BRMS1L: variants seen among roughly 807,000 people sequenced by gnomAD.
BRMS1L encodes breast cancer metastasis-suppressor 1-like protein.
In BRMS1L, 23 loss-of-function variants were observed where a neutral mutation model predicts 50.3. That is an observed-to-expected ratio of 0.46 (90% CI 0.33 to 0.65). The LOEUF (loss-of-function observed/expected upper bound fraction) is 0.65, where lower values mean the gene tolerates loss of function less well. BRMS1L is among the 30% of genes least tolerant of loss of function. BRMS1L has a pLI of 0.02. For synonymous variants in BRMS1L, 114 were observed against 126.9 expected, an observed-to-expected ratio of 0.90 and a Z score of 0.69; for missense variants, 286 against 386.1, an observed-to-expected ratio of 0.74 and a Z score of 2.17.
chr14:35,869,878 AAAG>A (rs2078466807), intron 9 of BRMS1L, among the ~76,000 whole-genome samples: 1 of 152,094 alleles, frequency 6.6e-6, no homozygotes, highest in Admixed American at 6.6e-5. Context: ...ATAATTAAAA[AAAG>A]AATAAAATAC....
At chr14:35,856,876 A>G (rs1437424525) in intron 4 of BRMS1L, among the ~76,000 whole-genome samples, 1 of 152,004 alleles carries the variant, frequency 6.6e-6, no homozygotes, top group Admixed American at 6.6e-5. Context: ...AGCCTGGCCT[A>G]TTTTTTAAAA....
chr14:35,826,758 G>T, intron 1 of BRMS1L, 100 bp downstream of exon 1: 1 of 1,501,832 alleles, frequency 6.7e-7, no homozygotes, highest in South Asian at 1.3e-5. Flanking sequence ...AAAGCGGGGC[G>T]GGGACAGAGG....
At chr14:35,830,592 G>A (rs1426581525) in intron 1 of BRMS1L, among the ~76,000 whole-genome samples, 3 of 147,324 alleles carry the variant, frequency 2.0e-5, no homozygotes, top group East Asian at 2.1e-4. Flanking sequence ...GCTTGAGCTC[G>A]AGCAATCCTC....
At chr14:35,830,419 G>A (rs2142035938) in intron 1 of BRMS1L, among the ~76,000 whole-genome samples, 1 of 151,778 alleles carries the variant, frequency 6.6e-6, no homozygotes, top group Middle Eastern at 3.4e-3. Flanking sequence ...CCAGGCTGGC[G>A]CAATCTTGGC....
At chr14:35,835,085 C>T (rs1337035965) in intron 4 of BRMS1L, among the ~76,000 whole-genome samples, 162 bp downstream of exon 4, 1 of 151,300 alleles carries the variant, frequency 6.6e-6, no homozygotes, top group African/African-American at 2.4e-5. Flanking sequence ...GCATTGGAAG[C>T]TGTATTGGAG....
At chr14:35,831,650 A>G in intron 2 of BRMS1L, 150 bp downstream of exon 2, 1 of 629,872 alleles carries the variant, frequency 1.6e-6, no homozygotes. Context: ...TTTGTCTACT[A>G]AAGACCTCAT....
In BRMS1L at chr14:35,826,549, G is replaced by T; in HGVS notation, c.33G>T (p.Glu11Asp). MPVHSRGDKK[E>D]TNHHDEMEVD... ...TCCATTCCCGAGGGGATAAGAAGGA[G>T]ACCAACCATCACGATGAGATGGAGG... The change falls in exon 1 of 10, where the codon GAG becomes GAT. Residue 11 changes from glutamate to aspartate, a missense_variant. Glu to Asp is a conservative substitution (Grantham distance 45, BLOSUM62 2). Transcript: ENST00000216807. The T allele has an allele frequency of 6.2e-7, 1 of 1,601,994 alleles. No homozygotes were observed. The highest frequency in any genetic ancestry group is 8.5e-7 in the Non-Finnish European group (1 of 1,175,194).
chr14:35,852,910 G>A (rs551751665), intron 4 of BRMS1L, among the ~76,000 whole-genome samples: 109 of 151,466 alleles, frequency 7.2e-4, no homozygotes, highest in African/African-American at 2.6e-3. Flanking sequence ...CGGCCTGGGC[G>A]AAAGAGCGAG....
rs1489773552 is a variant in BRMS1L, at chr14:35,826,379, C to T, written c.-138C>T. 1 of 1,328,364 alleles carries T rather than the reference C, an allele frequency of 7.5e-7. No individual in the cohort carries two copies. The highest frequency in any genetic ancestry group is 1.0e-6 in the Non-Finnish European group (1 of 971,904). The allele number at this position is 1,328,364 out of a possible 1,614,324, so 82.3% of individuals were successfully genotyped here. A position where few individuals can be genotyped will look rare whatever the true frequency, so the allele number is the denominator to read the frequency against. ...AGCCTGCGGGTTAGGTTGTGAGGCC[C>T]GGGCCGGGGGCGGGGAGGAGCCAAG... On this transcript the variant is annotated 5_prime_UTR_variant, in exon 1 of 10. Coordinates refer to ENST00000216807, the MANE Select transcript of BRMS1L (RefSeq NM_032352.4).
intron 2 of BRMS1L, among the ~76,000 whole-genome samples, chr14:35,832,548 A>G (rs972324444): frequency 3.3e-5 from 5 of 151,398 alleles, no homozygotes; most frequent in Non-Finnish European, 5.9e-5. Flanking sequence ...AGTAATACTG[A>G]CTCCTTTTCA....
At chr14:35,842,671 CGAGGA>C (rs964417541) in intron 4 of BRMS1L, among the ~76,000 whole-genome samples, 1 of 152,064 alleles carries the variant, frequency 6.6e-6, no homozygotes, top group Non-Finnish European at 1.5e-5. Context: ...TTGCTCTTCT[CGAGGA>C]GTATCTCTGT....
intron 4 of BRMS1L, among the ~76,000 whole-genome samples, chr14:35,847,412 C>T (rs929620404): frequency 6.6e-6 from 1 of 152,126 alleles, no homozygotes; most frequent in African/African-American, 2.4e-5. Flanking sequence ...TGATCCTGCA[C>T]CTCAGTCTCC....
intron 4 of BRMS1L, among the ~76,000 whole-genome samples, chr14:35,844,226 C>G (rs1044641945): frequency 1.3e-5 from 2 of 152,130 alleles, no homozygotes; most frequent in Non-Finnish European, 2.9e-5. Flanking sequence ...CCAGGTACCA[C>G]TGGGGTATGA....
At chr14:35,859,338 T>C (rs1345583046) in intron 4 of BRMS1L, among the ~76,000 whole-genome samples, 1 of 152,200 alleles carries the variant, frequency 6.6e-6, no homozygotes, top group African/African-American at 2.4e-5. Flanking sequence ...CCACCACATC[T>C]TTCCTGTCTG....
chr14:35,842,498 A>G (rs1057186611), intron 4 of BRMS1L, among the ~76,000 whole-genome samples: 1 of 152,208 alleles, frequency 6.6e-6, no homozygotes, highest in African/African-American at 2.4e-5. Context: ...AATATTGAAT[A>G]TTGGCCTCCA....
chr14:35,841,400 G>A (rs546638225), intron 4 of BRMS1L, among the ~76,000 whole-genome samples: 9 of 151,912 alleles, frequency 5.9e-5, no homozygotes, highest in South Asian at 4.2e-4. Context: ...CTGGGTTCAC[G>A]CCATTCTCCT....
intron 9 of BRMS1L, among the ~76,000 whole-genome samples, chr14:35,870,043 G>A (rs139199614): frequency 6.6e-5 from 10 of 151,146 alleles, no homozygotes; most frequent in African/African-American, 1.9e-4. Context: ...TATACATAGC[G>A]CTTTTAGCTC....
At chr14:35,834,274 T>C (rs769328713) in intron 3 of BRMS1L, among the ~76,000 whole-genome samples, 3 of 152,182 alleles carry the variant, frequency 2.0e-5, no homozygotes, top group Non-Finnish European at 4.4e-5. Flanking sequence ...ACTATTGTCC[T>C]GTTAGGGTCT....
intron 4 of BRMS1L, among the ~76,000 whole-genome samples, chr14:35,837,168 T>C (rs1326151391): frequency 6.6e-6 from 1 of 152,042 alleles, no homozygotes; most frequent in African/African-American, 2.4e-5. Flanking sequence ...GACAGGAGAA[T>C]TGCTTGAACC....
Sources: gnomAD v4.1 joint callset for allele counts (sites outside exome capture counted in the v4.1 genomes callset) on GRCh38, gnomAD v4.1.1 for gene constraint, MANE v1.5 for transcripts, NCBI Gene and HGNC (gene_info 2026-07-23, HGNC 2026-07-21) for gene names.